PSAP: variants seen among roughly 807,000 people sequenced by gnomAD.
The protein encoded by PSAP is prosaposin.
A neutral mutation model predicts 66.0 loss-of-function variants in PSAP; 25 were observed. The observed-to-expected ratio is 0.38, with a 90% confidence interval of 0.28 to 0.53. The LOEUF (loss-of-function observed/expected upper bound fraction) is 0.53. PSAP is among the 20% of genes least tolerant of loss of function. The pLI is 0.83. For missense variants in PSAP, 649 were observed against 668.8 expected (o/e 0.97, Z 0.33); for synonymous variants, 273 against 258.9 (o/e 1.05, Z -0.52).
At chr10:71,829,163 T>A (rs1842462130) in intron 4 of PSAP, 86 bp from the exon 5 acceptor site, 1 of 1,229,220 alleles carries the variant, frequency 8.1e-7, no homozygotes, top group Non-Finnish European at 1.2e-6. Context: ...AATTAGTCCC[T>A]CTCTTTAAAT....
In PSAP at chr10:71,817,433, T is replaced by A; in HGVS notation, c.*8A>T. 1 of 1,613,772 alleles carries A rather than the reference T, an allele frequency of 6.2e-7. No individual in the cohort carries two copies. The highest frequency in any genetic ancestry group is 1.1e-5 in the South Asian group (1 of 91,080). ...TGTGGTTTCTGCCAAGATGGAATATTCCTCCTCCTAGTTCCACACATGGCG... is the reference window on the plus strand; with the variant it reads ...TGTGGTTTCTGCCAAGATGGAATATACCTCCTCCTAGTTCCACACATGGCG... On this transcript the variant is annotated 3_prime_UTR_variant, in exon 14 of 14. Transcript: ENST00000394936.
At chr10:71,827,983 C>T (rs1166919781) in intron 6 of PSAP, 31 bp downstream of exon 6, 3 of 1,613,822 alleles carry the variant, frequency 1.9e-6, no homozygotes, top group South Asian at 2.2e-5. Flanking sequence ...AGGCCCAGAA[C>T]ATCCCCAATG....
chr10:71,823,187 G>A (rs1050656731), intron 7 of PSAP, among the ~76,000 whole-genome samples: 2 of 152,144 alleles, frequency 1.3e-5, no homozygotes, highest in African/African-American at 2.4e-5. Flanking sequence ...CTAGCAGATG[G>A]ATGCCAACGC....
At chr10:71,827,264 T>C (rs971789133) in intron 6 of PSAP, among the ~76,000 whole-genome samples, 3 of 151,604 alleles carry the variant, frequency 2.0e-5, no homozygotes, top group Non-Finnish European at 4.4e-5. Flanking sequence ...CCGGGCATGG[T>C]GGCGGGCACT....
At chr10:71,831,433 C>T (rs1842514290) in intron 3 of PSAP, among the ~76,000 whole-genome samples, 182 bp from the exon 4 acceptor site, 1 of 152,170 alleles carries the variant, frequency 6.6e-6, no homozygotes, top group African/African-American at 2.4e-5. Context: ...CAAAAGCAGA[C>T]ATGAGCATTC....
Position 71,830,284 on chromosome 10 carries a change from C to T in PSAP, c.375+842G>A, listed in dbSNP as rs534068442. On this transcript the variant is annotated intron_variant, in intron 4 of 13. Transcript: ENST00000394936. ...CATTTATAGCTCTTCCTCTCCTATA[C>T]ATCCCCCTCATGAGCAAGTCCAGTC... is the stretch of plus-strand genomic sequence containing the variant. Among the ~76,000 whole-genome samples, 254 of 152,302 alleles carry T rather than the reference C, an allele frequency of 1.7e-3. 1 individual carries two copies. Among genetic ancestry groups the T allele is most frequent in the African/African-American group, 5.8e-3 (243 of 41,548 alleles).
chr10:71,825,829 C>T lies in PSAP; in HGVS notation c.777+8G>A, dbSNP rs746046249. 1 of 1,611,068 alleles carries T rather than the reference C, an allele frequency of 6.2e-7. No individual in the cohort carries two copies. The highest frequency in any genetic ancestry group is 1.1e-5 in the South Asian group (1 of 91,016). On this transcript the variant is annotated splice_region_variant and intron_variant, in intron 7 of 13. Transcript: ENST00000394936. Reference sequence around the variant, plus strand: ...AAAATGCTAACAAGGGGCCTCCGTGCCACCTACCATGTGCATCATCATCTG... The same window carrying T: ...AAAATGCTAACAAGGGGCCTCCGTGTCACCTACCATGTGCATCATCATCTG...
At position 71,818,739 on chromosome 10, in the gene PSAP, A is replaced by C. The variant is rs760307148; in HGVS notation, c.1432-15T>G. On this transcript the variant is annotated splice_polypyrimidine_tract_variant and intron_variant, in intron 12 of 13. Transcript: ENST00000394936. ...GCTCCAATTTTCTATATGGTGAGAA[A>C]AGGAAAGAAGAAAGGGGGAGAATGA... 1.2e-6 allele frequency: 2 copies of C among 1,602,148 alleles called. No homozygotes were observed. Among genetic ancestry groups the C allele is most frequent in the Non-Finnish European group, 1.7e-6 (2 of 1,169,134 alleles).
At chr10:71,821,439 A>G (rs539193703) in intron 8 of PSAP, among the ~76,000 whole-genome samples, 1 of 152,358 alleles carries the variant, frequency 6.6e-6, no homozygotes, top group African/African-American at 2.4e-5. Flanking sequence ...GTTAAATAAA[A>G]TAGACACCCA....
intron 1 of PSAP, 139 bp downstream of exon 1, chr10:71,851,043 G>A (rs1455393243): frequency 4.0e-6 from 4 of 1,003,672 alleles, no homozygotes; most frequent in Middle Eastern, 3.0e-4. Context: ...GAAAGCCAGC[G>A]AACGCGCCTG....
chr10:71,844,010 C>T (rs1842776379), intron 1 of PSAP, among the ~76,000 whole-genome samples: 1 of 152,204 alleles, frequency 6.6e-6, no homozygotes, highest in Non-Finnish European at 1.5e-5. Flanking sequence ...GTACATCTAT[C>T]TGTGTTAGCA....
At chr10:71,820,043 G>A (rs988156020) in intron 9 of PSAP, 143 bp from the exon 10 acceptor site, 4 of 925,896 alleles carry the variant, frequency 4.3e-6, no homozygotes, top group South Asian at 2.8e-5. Context: ...CTACAAAGCA[G>A]GGCAATGGTG....
intron 1 of PSAP, among the ~76,000 whole-genome samples, chr10:71,838,970 C>T (rs1373130103): frequency 3.3e-5 from 5 of 152,176 alleles, no homozygotes; most frequent in African/African-American, 1.2e-4. Flanking sequence ...TAAATAAACA[C>T]TACCCAAAAA....
intron 2 of PSAP, among the ~76,000 whole-genome samples, 160 bp from the exon 3 acceptor site, chr10:71,832,080 C>T (rs903815597): frequency 6.6e-6 from 1 of 152,208 alleles, no homozygotes; most frequent in South Asian, 2.1e-4. Flanking sequence ...ATGAGCAGCG[C>T]TGGGGCACGG....
rs2133025303 is a variant in PSAP at position 71,817,330 on chromosome 10, G to A, written c.*111C>T. On this transcript the variant is annotated 3_prime_UTR_variant, in exon 14 of 14. Coordinates refer to ENST00000394936, the MANE Select transcript of PSAP (RefSeq NM_002778.4). ...GGACACAGAAATGGGGGAGGTGGGG[G>A]AGCCCTATTTTTATAACAAAGTCAA... The A allele has an allele frequency of 1.7e-6, 2 of 1,178,010 alleles. No individual in the cohort carries two copies. Among genetic ancestry groups the A allele is most frequent in the East Asian group, 2.3e-5 (1 of 42,902 alleles). 73.0% of individuals were successfully genotyped at this position (1,178,010 alleles called of 1,614,324 possible).
intron 4 of PSAP, among the ~76,000 whole-genome samples, chr10:71,829,973 G>A (rs1186628394): frequency 6.6e-6 from 1 of 152,020 alleles, no homozygotes; most frequent in African/African-American, 2.4e-5. Context: ...CTCCAGGCTG[G>A]GCGACAGAGT....
rs751199102 is a variant in PSAP at position 71,819,768 on chromosome 10, G to A, written c.1138C>T (p.Leu380=). ...CAGAGGTGCAGCATGCTGCACACCA[G>A]CTCAGGGCTGACCTCCTCCAGCAGG... The part of the protein sequence containing the change: ...SILLEEVSPE[L]VCSMLHLCSG... Residue 380 remains leucine (L), a synonymous_variant, in exon 10 of 14, where the codon CTG becomes TTG. Coordinates refer to ENST00000394936, the MANE Select transcript of PSAP (RefSeq NM_002778.4). The A allele has an allele frequency of 5.6e-6, 9 of 1,613,950 alleles. No individual in the cohort carries two copies. The highest frequency in any genetic ancestry group is 7.6e-6 in the Non-Finnish European group (9 of 1,180,018).
At chr10:71,846,902 G>C (rs746351833) in intron 1 of PSAP, among the ~76,000 whole-genome samples, 3 of 152,138 alleles carry the variant, frequency 2.0e-5, no homozygotes, top group Non-Finnish European at 4.4e-5. Flanking sequence ...ATCTCTGCTA[G>C]AAGCTGCCTC....
intron 1 of PSAP, among the ~76,000 whole-genome samples, chr10:71,848,046 T>TAG (rs374545428): frequency 1.6e-4 from 25 of 152,172 alleles, no homozygotes; most frequent in African/African-American, 6.0e-4. Context: ...GCCTTACACC[T>TAG]AGCTGATGAA....
Sources: allele counts gnomAD v4.1 joint callset (sites outside exome capture counted in the v4.1 genomes callset), GRCh38; gene constraint gnomAD v4.1.1; transcripts MANE v1.5; gene names NCBI Gene and HGNC (gene_info 2026-07-23, HGNC 2026-07-21).